Variants in FAM3B observed in about 807,000 individuals in gnomAD.
FAM3B encodes FAM3 metabolism regulating signaling molecule B.
Under a neutral mutation model 28.4 loss-of-function variants are expected in FAM3B, and 29 were observed. The observed-to-expected ratio is 1.02, with a 90% CI of 0.76 to 1.39. The LOEUF is 1.39. Ranked by LOEUF, FAM3B falls within the 40% of genes most tolerant of loss-of-function variation. FAM3B has a pLI of 0.00. For synonymous variants in FAM3B, 91 were observed against 103.0 expected, an observed-to-expected ratio of 0.88 and a Z score of 0.71; for missense variants, 266 against 293.9, an observed-to-expected ratio of 0.91 and a Z score of 0.69.
At chr21:41,324,192 C>T (rs918593332) in intron 2 of FAM3B, among the ~76,000 whole-genome samples, 1 of 152,142 alleles carries the variant, frequency 6.6e-6, no homozygotes, top group African/African-American at 2.4e-5. Context: ...AAACTGGGGG[C>T]CCAGAGACAG....
intron 2 of FAM3B, among the ~76,000 whole-genome samples, chr21:41,323,741 A>C (rs1601352982): frequency 6.6e-6 from 1 of 152,254 alleles, no homozygotes; most frequent in South Asian, 2.1e-4. Flanking sequence ...GATTCGAGAG[A>C]GGATGGGTGG....
At chr21:41,356,643 C>T (rs2089170384) in intron 7 of FAM3B, among the ~76,000 whole-genome samples, 1 of 152,188 alleles carries the variant, frequency 6.6e-6, no homozygotes, top group African/African-American at 2.4e-5. Context: ...ACATGTCCAT[C>T]ATTGCATAAA....
chr21:41,311,233 C>A, intron 1 of FAM3B, among the ~76,000 whole-genome samples: 1 of 31,156 alleles, frequency 3.2e-5, no homozygotes, highest in East Asian at 2.4e-3. Flanking sequence ...AACCCTGTCT[C>A]TACAAAAAAA....
In FAM3B at chr21:41,345,735, TG is replaced by T; in HGVS notation, c.397+1del. The T allele has an allele frequency of 6.5e-7, 1 of 1,547,524 alleles. No homozygotes were observed. The highest frequency in any genetic ancestry group is 8.8e-7 in the Non-Finnish European group (1 of 1,130,580). On this transcript the variant is annotated frameshift_variant and splice_region_variant, in exon 5 of 8. Coordinates refer to ENST00000357985, the MANE Select transcript of FAM3B (RefSeq NM_058186.4). LOFTEE classifies it high-confidence loss of function. ...ATRCFDMYEG[D>X]NSGPMTKFIQ... ...CACGATGTTTTGATATGTATGAAGG[TG>T]GTAAGAAAATTTTTTCTGTTAAAAT...
chr21:41,343,494 T>C (rs2089025563), intron 3 of FAM3B, among the ~76,000 whole-genome samples: 1 of 152,220 alleles, frequency 6.6e-6, no homozygotes, highest in African/African-American at 2.4e-5. Context: ...TATTATGGAA[T>C]AGTCTCTAAA....
chr21:41,350,104 G>A (rs142594342), intron 7 of FAM3B, among the ~76,000 whole-genome samples: 2 of 152,300 alleles, frequency 1.3e-5, no homozygotes, highest in East Asian at 3.9e-4. Flanking sequence ...AGTGAAGCCG[G>A]GGCTTACGGT....
At chr21:41,336,123 C>G (rs1220540171) in intron 2 of FAM3B, among the ~76,000 whole-genome samples, 1 of 152,182 alleles carries the variant, frequency 6.6e-6, no homozygotes, top group Admixed American at 6.5e-5. Context: ...TTGCCCGTTT[C>G]CACCATGTCA....
At chr21:41,345,868 TAG>T (rs773399346) in intron 5 of FAM3B, 132 bp downstream of exon 5, 1 of 668,022 alleles carries the variant, frequency 1.5e-6, no homozygotes, top group South Asian at 1.6e-5. Flanking sequence ...CTGAGTAATC[TAG>T]AGTGGTCTTA....
rs1027270699 is a variant in FAM3B, at chr21:41,326,189, G to C, written c.163+3123G>C. On this transcript the variant is annotated intron_variant, in intron 2 of 7. Transcript: ENST00000357985. The surrounding 1 kb of genome is among the most constrained non-coding windows in gnomAD (Gnocchi z 4.0). ...TTTCAGGAAAAGCACTGAAGACCTA[G>C]ATGTGGTTCTCCAGGCAGGGTTTGG... Among the ~76,000 whole-genome samples, 22 of 152,212 alleles carry C rather than the reference G, an allele frequency of 1.4e-4. No individual in the cohort carries two copies. The highest frequency in any genetic ancestry group is 2.6e-4 in the Non-Finnish European group (18 of 68,040).
At chr21:41,345,950 T>G (rs557292101) in intron 5 of FAM3B, 6 of 458,362 alleles carry the variant, frequency 1.3e-5, no homozygotes, top group Admixed American at 4.5e-5. Flanking sequence ...TGTCTTTTCT[T>G]CTGTTAGTTT....
At chr21:41,336,488 C>G (rs1407252058) in intron 2 of FAM3B, among the ~76,000 whole-genome samples, 3 of 152,212 alleles carry the variant, frequency 2.0e-5, no homozygotes, top group African/African-American at 7.2e-5. Flanking sequence ...CACCACTACA[C>G]TCCAGCCTGG....
intron 3 of FAM3B, 50 bp from the exon 4 acceptor site, chr21:41,344,426 G>A: frequency 1.3e-6 from 2 of 1,543,298 alleles, no homozygotes; most frequent in Non-Finnish European, 1.8e-6. Context: ...CGCGGAGCGG[G>A]GAGAGTCGCA....
intron 2 of FAM3B, among the ~76,000 whole-genome samples, chr21:41,323,890 C>T (rs1161646802): frequency 6.6e-6 from 1 of 152,138 alleles, no homozygotes; most frequent in Non-Finnish European, 1.5e-5. Flanking sequence ...AAGAGAACAC[C>T]ATAGACTGGG....
chr21:41,312,747 GTGTGTA>G (rs2088722444), upstream of FAM3B, among the ~76,000 whole-genome samples: 1 of 152,036 alleles, frequency 6.6e-6, no homozygotes, highest in African/African-American at 2.4e-5. Flanking sequence ...GTGTGTGTGT[GTGTGTA>G]TGATGTCTGC....
intron 2 of FAM3B, among the ~76,000 whole-genome samples, chr21:41,335,477 TAA>T (rs1356984950): frequency 6.6e-6 from 1 of 152,152 alleles, no homozygotes; most frequent in Non-Finnish European, 1.5e-5. Flanking sequence ...CGTGGTTGTT[TAA>T]AAGTGTGTGG....
rs184331747 is a variant in FAM3B at position 41,335,732 on chromosome 21, C to T, written c.164-2646C>T. The stretch of plus-strand genomic sequence containing the variant: ...CCTAATATACTTCTATTATTGATTT[C>T]TAGTTTCATACCATGGTAGTAGGAA... On this transcript the variant is annotated intron_variant, in intron 2 of 7. Coordinates refer to ENST00000357985, the MANE Select transcript of FAM3B (RefSeq NM_058186.4). Among the ~76,000 whole-genome samples the T allele has an allele frequency of 1.4e-3, 217 of 152,270 alleles. 1 individual carries two copies. Among genetic ancestry groups the T allele is most frequent in the African/African-American group, 4.6e-3 (190 of 41,556 alleles).
At chr21:41,311,841 G>T (rs1489455411), upstream of FAM3B, among the ~76,000 whole-genome samples, 1 of 152,166 alleles carries the variant, frequency 6.6e-6, no homozygotes, top group Non-Finnish European at 1.5e-5. Flanking sequence ...ACATACCTGA[G>T]ACTGGGCAAT....
At chr21:41,333,530 A>AAGTTTCCT (rs1320687140) in intron 2 of FAM3B, among the ~76,000 whole-genome samples, 2 of 152,176 alleles carry the variant, frequency 1.3e-5, no homozygotes, top group East Asian at 3.8e-4. Context: ...CCATGATTGT[A>AAGTTTCCT]AGTTTCCTGG....
upstream of FAM3B, among the ~76,000 whole-genome samples, chr21:41,311,987 A>G (rs1193300013): frequency 6.6e-6 from 1 of 151,872 alleles, no homozygotes; most frequent in African/African-American, 2.4e-5. Context: ...GTGCAGAGAA[A>G]CTCCTATTTT....
Sources: gnomAD v4.1 joint callset for allele counts (sites outside exome capture counted in the v4.1 genomes callset) on GRCh38, gnomAD v4.1.1 for gene constraint, Gnocchi (gnomAD v3.1) non-coding constraint, MANE v1.5 for transcripts, NCBI Gene and HGNC (gene_info 2026-07-23, HGNC 2026-07-21) for gene names.